ARMH3: variants seen among roughly 807,000 people sequenced by gnomAD.
ARMH3 encodes armadillo like helical domain containing 3, also known as armadillo-like helical domain-containing protein 3.
Under a neutral mutation model 99.1 loss-of-function variants are expected in ARMH3, and 60 were observed. That is an observed-to-expected ratio of 0.61 (90% CI 0.49 to 0.75). The LOEUF (loss-of-function observed/expected upper bound fraction) is 0.75. Ranked by LOEUF, ARMH3 falls within the 30% of genes least tolerant of loss-of-function variation. The pLI, the probability that ARMH3 is intolerant of heterozygous loss-of-function variation, is 0.00. For synonymous variants in ARMH3, 285 were observed against 292.8 expected (o/e 0.97, Z 0.27); for missense variants, 679 against 843.1 (o/e 0.81, Z 2.41).
At chr10:101,914,990 G>A (rs1843019430) in intron 23 of ARMH3, among the ~76,000 whole-genome samples, 1 of 151,312 alleles carries the variant, frequency 6.6e-6, no homozygotes, top group South Asian at 2.1e-4. Context: ...CACTCTGCAA[G>A]TATTCGTAAC....
intron 23 of ARMH3, among the ~76,000 whole-genome samples, chr10:101,929,013 G>A (rs1199740639): frequency 6.6e-6 from 1 of 152,140 alleles, no homozygotes; most frequent in Admixed American, 6.5e-5. Context: ...TTATAGGCAT[G>A]AGCCACCACA....
At chr10:101,924,498 A>T (rs1843428038) in intron 23 of ARMH3, among the ~76,000 whole-genome samples, 1 of 150,674 alleles carries the variant, frequency 6.6e-6, no homozygotes, top group Non-Finnish European at 1.5e-5. Flanking sequence ...AGTAGCTGGG[A>T]CTACAGGCGC....
At chr10:102,047,073 G>A (rs1407340048) in intron 1 of ARMH3, among the ~76,000 whole-genome samples, 4 of 152,142 alleles carry the variant, frequency 2.6e-5, no homozygotes, top group Non-Finnish European at 1.5e-5. Context: ...CAGAAAACTT[G>A]GAGGGAAAAA....
At chr10:102,004,071 T>C (rs1279837580) in intron 14 of ARMH3, among the ~76,000 whole-genome samples, 25 of 152,192 alleles carry the variant, frequency 1.6e-4, no homozygotes, top group Non-Finnish European at 5.9e-5. Flanking sequence ...TTATATAATA[T>C]GTAGAAATAT....
At chr10:101,919,823 A>G (rs1032829225) in intron 23 of ARMH3, among the ~76,000 whole-genome samples, 1 of 152,086 alleles carries the variant, frequency 6.6e-6, no homozygotes, top group Non-Finnish European at 1.5e-5. Context: ...CTTTTACTCT[A>G]GTATTTCTGG....
chr10:101,946,071 CAAAAAAAAA>C (rs569179050), intron 22 of ARMH3, among the ~76,000 whole-genome samples: 35 of 34,470 alleles, frequency 1.0e-3, no homozygotes, highest in African/African-American at 5.0e-3. Context: ...GACTCTGCCT[CAAAAAAAAA>C]AAAAAAAAAA....
intron 24 of ARMH3, among the ~76,000 whole-genome samples, chr10:101,881,301 T>C (rs779560229): frequency 6.6e-6 from 1 of 152,068 alleles, no homozygotes; most frequent in Non-Finnish European, 1.5e-5. Flanking sequence ...TAAATTTATA[T>C]GTAGAGAGAT....
In ARMH3 at chr10:101,993,585, A is replaced by G; in HGVS notation, c.1228T>C (p.Phe410Leu). 2 of 1,599,288 alleles carry G rather than the reference A, an allele frequency of 1.3e-6. No individual in the cohort carries two copies. Among genetic ancestry groups the G allele is most frequent in the Non-Finnish European group, 1.7e-6 (2 of 1,171,540 alleles). ...AAATTCATGTTGTCATCATGCAAAA[A>G]TGCATTGGCATATTGATCCTAATAA... ...CIAEDQYANA[F>L]LHDDNMNFRV... Residue 410 changes from phenylalanine to leucine, a missense_variant, in exon 17 of 26, where the codon TTT (phenylalanine) becomes CTT (leucine). Phe to Leu is a conservative substitution (Grantham distance 22). This residue lies in a region of ARMH3 where 389 missense variants were observed against 456.5 expected (regional missense o/e 0.85). Transcript: ENST00000370033.
intron 20 of ARMH3, among the ~76,000 whole-genome samples, chr10:101,971,264 C>T (rs1452071596): frequency 3.9e-5 from 6 of 151,966 alleles, no homozygotes; most frequent in South Asian, 2.1e-4. Flanking sequence ...CCAGTAGGAG[C>T]GCAGTGTGAC....
intron 22 of ARMH3, among the ~76,000 whole-genome samples, chr10:101,940,222 T>C (rs1844176204): frequency 3.3e-5 from 5 of 152,212 alleles, no homozygotes. Flanking sequence ...CCGGGTTCCA[T>C]AACTTAATTT....
At chr10:101,992,421 T>C (rs1417434465) in intron 17 of ARMH3, among the ~76,000 whole-genome samples, 4 of 152,166 alleles carry the variant, frequency 2.6e-5, no homozygotes, top group South Asian at 2.1e-4. Context: ...GAGGAAGTGA[T>C]GGTGCCACCT....
chr10:101,910,687 G>A (rs1170809619), intron 23 of ARMH3, among the ~76,000 whole-genome samples: 7 of 150,026 alleles, frequency 4.7e-5, no homozygotes, highest in South Asian at 4.2e-4. Flanking sequence ...AGCTGAGATC[G>A]TGCCACTGTA....
chr10:101,851,372 T>C (rs999589739), intron 24 of ARMH3, among the ~76,000 whole-genome samples: 3 of 152,192 alleles, frequency 2.0e-5, no homozygotes, highest in Admixed American at 6.5e-5. Context: ...AGAAAGGGGA[T>C]GATCATTCAC....
chr10:101,991,782 T>C (rs372504490), intron 18 of ARMH3, among the ~76,000 whole-genome samples, 187 bp downstream of exon 18: 2 of 152,222 alleles, frequency 1.3e-5, no homozygotes, highest in African/African-American at 2.4e-5. Context: ...GACCCTTTTA[T>C]TGACCACTCT....
intron 17 of ARMH3, among the ~76,000 whole-genome samples, chr10:101,993,041 C>A (rs535771702): frequency 6.6e-6 from 1 of 152,050 alleles, no homozygotes; most frequent in Non-Finnish European, 1.5e-5. Context: ...CAGGCCAAGG[C>A]GGGCAGATCA....
intron 24 of ARMH3, among the ~76,000 whole-genome samples, chr10:101,878,477 C>CAA (rs751214447): frequency 7.8e-5 from 11 of 140,436 alleles, no homozygotes; most frequent in South Asian, 2.3e-4. Context: ...CCATCTCTAT[C>CAA]AAAAAAAAAA....
intron 23 of ARMH3, among the ~76,000 whole-genome samples, chr10:101,935,174 A>ATATATATATATATATAT (rs1843902399): frequency 3.4e-5 from 4 of 117,104 alleles, no homozygotes; most frequent in African/African-American, 1.3e-4. Context: ...AAGGTGGAGC[A>ATATATATATATATATAT]ATATATATAT....
chr10:101,981,846 GTCTC>G (rs1281441449), intron 19 of ARMH3, among the ~76,000 whole-genome samples: 1 of 151,406 alleles, frequency 6.6e-6, no homozygotes, highest in Non-Finnish European at 1.5e-5. Context: ...GTGAAACCCC[GTCTC>G]TATCTAAAAA....
intron 23 of ARMH3, among the ~76,000 whole-genome samples, chr10:101,916,511 A>G (rs140617351): frequency 1.3e-5 from 2 of 152,354 alleles, no homozygotes; most frequent in East Asian, 3.9e-4. Flanking sequence ...TATGGAAACT[A>G]TGGTCAGAAG....
Sources: gnomAD v4.1 joint callset for allele counts (sites outside exome capture counted in the v4.1 genomes callset) on GRCh38, gnomAD v4.1.1 for gene constraint, gnomAD v4.1.1 regional missense constraint, MANE v1.5 for transcripts, NCBI Gene and HGNC (gene_info 2026-07-23, HGNC 2026-07-21) for gene names.